The following HDAC11 variants were observed in gnomAD, a reference collection of about 807,000 sequenced individuals.
HDAC11 encodes histone deacetylase 11.
HDAC11 carries 23 observed loss-of-function variants against 41.1 expected under a neutral mutation model. The observed-to-expected ratio is 0.56, with a 90% confidence interval of 0.40 to 0.79. The LOEUF (loss-of-function observed/expected upper bound fraction) is 0.79, where lower values mean the gene tolerates loss of function less well. Among genes scored for constraint, HDAC11 ranks in the 30% least tolerant of loss-of-function variants. The probability of loss-of-function intolerance (pLI) is 0.00; values close to 1 mark genes in which losing one functional copy is unlikely to be tolerated. For synonymous variants in HDAC11, 187 were observed against 186.6 expected, an observed-to-expected ratio of 1.00 and a Z score of -0.02; for missense variants, 402 against 477.3, an observed-to-expected ratio of 0.84 and a Z score of 1.47.
rs1701311947 is a variant in HDAC11 at position 13,481,402 on chromosome 3, A to AG, written c.151+10dup. The AG allele has an allele frequency of 6.2e-7, 1 of 1,613,656 alleles. No homozygotes were observed. The highest frequency in any genetic ancestry group is 8.5e-7 in the Non-Finnish European group (1 of 1,179,818). ...TGATCAATTTCCTAAAAGGTATGGA[A>AG]GGTCCCCCTTGGACTCTCATCTGCT... On this transcript the variant is annotated intron_variant, in intron 2 of 9. Transcript: ENST00000295757.
chr3:13,491,576 C>G (rs1701868083), intron 3 of HDAC11, among the ~76,000 whole-genome samples: 1 of 152,122 alleles, frequency 6.6e-6, no homozygotes, highest in Non-Finnish European at 1.5e-5. Context: ...GAGAGCAGTT[C>G]TTGGTTTGAA....
In HDAC11 at chr3:13,502,969, G is replaced by A. The variant is rs377020559; in HGVS notation, c.638G>A (p.Arg213His). The change falls in exon 8 of 10, where the codon CGC becomes CAC. Residue 213 changes from arginine to histidine, a missense_variant. Physicochemically the swap from Arg to His is conservative, Grantham distance 29. Transcript: ENST00000295757. The surrounding 1 kb of genome is among the most constrained non-coding windows in gnomAD (Gnocchi z 4.1). ...VYNRHIYPGD[R>H]FAKQAIRRKV... The stretch of plus-strand genomic sequence containing the variant: ...AACCGCCACATCTACCCAGGGGACC[G>A]CTTTGCCAAGCGTAAGCTGCTGCCC... The A allele has an allele frequency of 4.3e-6, 7 of 1,612,932 alleles. No individual in the cohort carries two copies. The highest frequency in any genetic ancestry group is 2.2e-5 in the East Asian group (1 of 44,840).
chr3:13,488,490 G>A (rs1414046581), intron 3 of HDAC11, among the ~76,000 whole-genome samples: 1 of 152,074 alleles, frequency 6.6e-6, no homozygotes, highest in Non-Finnish European at 1.5e-5. Context: ...TGCCTATCCT[G>A]GATATTTCAT....
chr3:13,503,108 C>T (rs887703196), intron 8 of HDAC11, 128 bp downstream of exon 8: 2 of 646,872 alleles, frequency 3.1e-6, no homozygotes, highest in African/African-American at 3.6e-5. Flanking sequence ...TGAGGTGATC[C>T]TTTCCATTTT....
At chr3:13,500,674 G>T (rs1702316121) in intron 5 of HDAC11, 39 bp from the exon 6 acceptor site, 1 of 1,518,612 alleles carries the variant, frequency 6.6e-7, no homozygotes, top group Non-Finnish European at 9.0e-7. Context: ...GAGCCTGGGA[G>T]CCTGGCTCTG....
At chr3:13,489,003 G>T (rs1701725772) in intron 3 of HDAC11, among the ~76,000 whole-genome samples, 1 of 151,962 alleles carries the variant, frequency 6.6e-6, no homozygotes, top group Non-Finnish European at 1.5e-5. Flanking sequence ...TTACCTAATG[G>T]CTAATTAACA....
At chr3:13,494,856 C>T (rs1021722584) in intron 3 of HDAC11, among the ~76,000 whole-genome samples, 9 of 152,138 alleles carry the variant, frequency 5.9e-5, no homozygotes, top group African/African-American at 2.2e-4. Context: ...CATGAGGCCC[C>T]TGCTGGGGCC....
intron 2 of HDAC11, among the ~76,000 whole-genome samples, chr3:13,481,680 A>T (rs1701328713): frequency 6.6e-6 from 1 of 152,160 alleles, no homozygotes; most frequent in South Asian, 2.1e-4. Context: ...GGGCACAGGG[A>T]AGGTGAAGCT....
At chr3:13,499,637 C>T (rs76917434) in intron 5 of HDAC11, among the ~76,000 whole-genome samples, 21,650 of 152,188 alleles carry the variant, frequency 0.14, 1,818 homozygotes, top group African/African-American at 0.23. Context: ...TGGGCCACTG[C>T]ACAGTTGAGG....
At position 13,480,523 on chromosome 3, in the gene HDAC11, C is replaced by T. The variant is rs952473197; in HGVS notation, c.2+174C>T. 4.5e-4 allele frequency: 150 copies of T among 336,382 alleles called. No homozygotes were observed. Among genetic ancestry groups the T allele is most frequent in the Admixed American group, 1.0e-3 (20 of 19,498 alleles). The allele number at this position is 336,382 out of a possible 1,614,324, so 20.8% of individuals were successfully genotyped here. A position where few individuals can be genotyped will look rare whatever the true frequency, so the allele number is the denominator to read the frequency against. On this transcript the variant is annotated intron_variant, in intron 1 of 9. Transcript: ENST00000295757. This position sits in a 1 kb window ranked among gnomAD's most constrained non-coding sequence, Gnocchi z 4.6. ...TTCCAGGCCCTCCCGGCGCGCCAGG[C>T]CAGCCCCGCGCCCCTGCTCGGTGGC...
Position 13,480,746 on chromosome 3 carries a change from G to C in HDAC11, c.2+397G>C. 1 of 481,884 alleles carries C rather than the reference G, an allele frequency of 2.1e-6. No homozygotes were observed. Among genetic ancestry groups the C allele is most frequent in the Non-Finnish European group, 4.2e-6 (1 of 235,712 alleles). The allele number at this position is 481,884 out of a possible 1,614,324, so 29.9% of individuals were successfully genotyped here. On this transcript the variant is annotated intron_variant, in intron 1 of 9. Transcript: ENST00000295757. This position sits in a 1 kb window ranked among gnomAD's most constrained non-coding sequence, Gnocchi z 4.6. ...AGGGTTAGCAGCGCAGCGGGGTCAG[G>C]GGATCCCCGCCCCCCGCCCTGGCTC...
At chr3:13,504,305 C>G (rs1702512207) in intron 9 of HDAC11, 33 bp downstream of exon 9, 4 of 1,609,594 alleles carry the variant, frequency 2.5e-6, no homozygotes, top group Admixed American at 1.7e-5. Context: ...ACGGGAGGGT[C>G]TGCTCTATGG....
chr3:13,494,210 C>T (rs1559376327), intron 3 of HDAC11, among the ~76,000 whole-genome samples: 1 of 152,042 alleles, frequency 6.6e-6, no homozygotes, highest in African/African-American at 2.4e-5. Context: ...GCTGCATTGT[C>T]TTCCAGTCTG....
rs563347322 is a variant in HDAC11, at chr3:13,493,550, G to C, written c.253-3186G>C. On this transcript the variant is annotated intron_variant, in intron 3 of 9. Coordinates refer to ENST00000295757, the MANE Select transcript of HDAC11 (RefSeq NM_024827.4). ...ACCAAACTTGAATTTTTAAAATTTT[G>C]ATGAATTTACAATCACTCGTAAGTA... Among the ~76,000 whole-genome samples, 77 of 152,326 alleles carry C rather than the reference G, an allele frequency of 5.1e-4. 2 individuals are homozygous for C. In the South Asian group the frequency reaches 0.015, roughly 30 times the overall value.
At chr3:13,503,217 G>A (rs1209988402) in intron 8 of HDAC11, 18 of 337,182 alleles carry the variant, frequency 5.3e-5, no homozygotes, top group Admixed American at 5.0e-4. Flanking sequence ...AAACAGGAAA[G>A]AATGAAAGAA....
intron 3 of HDAC11, 86 bp downstream of exon 3, chr3:13,483,650 C>G (rs1320520857): frequency 9.7e-7 from 1 of 1,030,316 alleles, no homozygotes; most frequent in Non-Finnish European, 1.5e-6. Flanking sequence ...GTGACTCAGC[C>G]TGGGGAAGCC....
At chr3:13,481,636 A>G (rs562224198) in intron 2 of HDAC11, among the ~76,000 whole-genome samples, 1 of 152,282 alleles carries the variant, frequency 6.6e-6, no homozygotes, top group East Asian at 1.9e-4. Flanking sequence ...GCCTCTGCCC[A>G]AGAGGCCTAG....
chr3:13,492,575 C>T (rs1311272088), intron 3 of HDAC11, among the ~76,000 whole-genome samples: 1 of 152,130 alleles, frequency 6.6e-6, no homozygotes, highest in Non-Finnish European at 1.5e-5. Flanking sequence ...GACAGAGTTT[C>T]ACTCTGTCAC....
In HDAC11 at chr3:13,480,437, G is replaced by A. The variant is rs1701249896; in HGVS notation, c.2+88G>A. 1.2e-6 allele frequency: 1 copy of A among 848,202 alleles called. No homozygotes were observed. The highest frequency in any genetic ancestry group is 1.5e-6 in the Non-Finnish European group (1 of 650,520). 52.5% of individuals were successfully genotyped at this position (848,202 alleles called of 1,614,324 possible). A position where few individuals can be genotyped will look rare whatever the true frequency, so the allele number is the denominator to read the frequency against. On this transcript the variant is annotated intron_variant, in intron 1 of 9. Coordinates refer to ENST00000295757, the MANE Select transcript of HDAC11 (RefSeq NM_024827.4). This position sits in a 1 kb window ranked among gnomAD's most constrained non-coding sequence, Gnocchi z 4.6. The stretch of plus-strand genomic sequence containing the variant: ...GGGCGAGGGCGGGGACGGCCGGGCG[G>A]GCGCGCCAGGTAAGGGCCCAGATTT...
Sources: allele counts gnomAD v4.1 joint callset (sites outside exome capture counted in the v4.1 genomes callset), GRCh38; gene constraint gnomAD v4.1.1; non-coding constraint Gnocchi (gnomAD v3.1); transcripts MANE v1.5; gene names NCBI Gene and HGNC (gene_info 2026-07-23, HGNC 2026-07-21).